PLEKHA7: variants seen among roughly 807,000 people sequenced by gnomAD.
PLEKHA7 encodes the protein pleckstrin homology domain containing A7, also known as pleckstrin homology domain-containing family A member 7.
A neutral mutation model predicts 170.0 loss-of-function variants in PLEKHA7; 104 were observed. The observed-to-expected ratio is 0.61, with a 90% confidence interval of 0.52 to 0.72. The LOEUF (loss-of-function observed/expected upper bound fraction) is 0.72. Ranked by LOEUF, PLEKHA7 falls within the 30% of genes least tolerant of loss-of-function variation. The pLI, the probability that PLEKHA7 is intolerant of heterozygous loss-of-function variation, is 0.00. For missense variants in PLEKHA7, 1,615 were observed against 1,671.7 expected (o/e 0.97, Z 0.59); for synonymous variants, 648 against 660.8 (o/e 0.98, Z 0.30).
At chr11:17,009,690 C>T (rs1362727530) in intron 3 of PLEKHA7, among the ~76,000 whole-genome samples, 3 of 151,984 alleles carry the variant, frequency 2.0e-5, no homozygotes, top group African/African-American at 7.3e-5. Context: ...GGCTGGAGTA[C>T]AGTATCACAA....
intron 3 of PLEKHA7, among the ~76,000 whole-genome samples, chr11:16,904,436 C>A (rs994311995): frequency 1.2e-4 from 18 of 152,124 alleles, no homozygotes; most frequent in African/African-American, 4.1e-4. Flanking sequence ...ATTGTACAGC[C>A]ATTAAACATA....
rs555538014 is a variant in PLEKHA7 at position 16,789,656 on chromosome 11, G to A, written c.3156+119C>T. On this transcript the variant is annotated intron_variant, in intron 22 of 26. Transcript: ENST00000531066. This position sits in a 1 kb window ranked among gnomAD's most constrained non-coding sequence, Gnocchi z 4.6. The stretch of plus-strand genomic sequence containing the variant: ...GGTGACAGGGAGCTCAGGAGGGGCT[G>A]AGGCCACCCCAGAGGCCATCCCCAG... The A allele has an allele frequency of 2.3e-6, 2 of 856,492 alleles. No homozygotes were observed. The highest frequency in any genetic ancestry group is 3.4e-5 in the African/African-American group (2 of 58,986). 53.1% of individuals were successfully genotyped at this position (856,492 alleles called of 1,614,324 possible).
At chr11:17,002,974 C>G (rs957225770) in intron 3 of PLEKHA7, among the ~76,000 whole-genome samples, 2 of 145,048 alleles carry the variant, frequency 1.4e-5, no homozygotes, top group African/African-American at 2.5e-5. Context: ...CCTTTAAGTA[C>G]CAGAATAGTT....
chr11:16,906,272 AAGGAAGG>A (rs773585290), intron 3 of PLEKHA7, among the ~76,000 whole-genome samples: 1,337 of 119,790 alleles, frequency 0.011, 21 homozygotes, highest in South Asian at 0.034. Context: ...GGAAGGAAGG[AAGGAAGG>A]AAAGAAAGAA....
chr11:17,006,008 G>A (rs10734250), intron 3 of PLEKHA7, among the ~76,000 whole-genome samples: 87,915 of 152,036 alleles, frequency 0.58, 25,951 homozygotes, highest in East Asian at 0.81. Context: ...ATTCTTTGTG[G>A]GACTATTACC....
At chr11:16,999,409 C>T (rs768139597) in intron 3 of PLEKHA7, among the ~76,000 whole-genome samples, 3 of 152,046 alleles carry the variant, frequency 2.0e-5, no homozygotes, top group African/African-American at 7.2e-5. Context: ...CCCAGGCAGA[C>T]ATAGGCCTCA....
At chr11:16,933,392 C>G (rs916015330) in intron 3 of PLEKHA7, among the ~76,000 whole-genome samples, 1 of 152,184 alleles carries the variant, frequency 6.6e-6, no homozygotes, top group African/African-American at 2.4e-5. Context: ...TGCAGCAGTA[C>G]AGGCAGGAGA....
intron 3 of PLEKHA7, among the ~76,000 whole-genome samples, chr11:16,896,395 A>T (rs533836854): frequency 6.6e-6 from 1 of 152,320 alleles, no homozygotes; most frequent in East Asian, 1.9e-4. Flanking sequence ...ATCCCGCACA[A>T]TGAAAAGCTG....
chr11:16,922,173 T>TACATTCCTG (rs1554972806), intron 3 of PLEKHA7, among the ~76,000 whole-genome samples: 2 of 151,662 alleles, frequency 1.3e-5, no homozygotes, highest in African/African-American at 4.9e-5. Flanking sequence ...CAGCACAAAA[T>TACATTCCTG]ACATTCTTAT....
At chr11:16,839,474 C>CAT (rs1564991461) in intron 9 of PLEKHA7, among the ~76,000 whole-genome samples, 1 of 149,656 alleles carries the variant, frequency 6.7e-6, no homozygotes, top group African/African-American at 2.4e-5. Flanking sequence ...TAAATATATA[C>CAT]ATATATATAC....
At chr11:16,885,503 A>T (rs115963761) in intron 3 of PLEKHA7, among the ~76,000 whole-genome samples, 2,208 of 151,126 alleles carry the variant, frequency 0.015, 60 homozygotes, top group African/African-American at 0.05. Context: ...TACTAAAAAA[A>T]ATATATATAT....
chr11:16,816,667 A>G (rs1445894466), intron 11 of PLEKHA7, 133 bp downstream of exon 11: 8 of 1,105,502 alleles, frequency 7.2e-6, no homozygotes, highest in Non-Finnish European at 1.0e-5. Context: ...CCTGGCATCT[A>G]TTATTAAAAT....
chr11:17,013,890 G>A, intron 3 of PLEKHA7, 99 bp downstream of exon 3: 5 of 1,310,076 alleles, frequency 3.8e-6, no homozygotes, highest in South Asian at 3.3e-5. Flanking sequence ...AACGAGCCCG[G>A]GCCGGCGGGA....
intron 3 of PLEKHA7, among the ~76,000 whole-genome samples, chr11:16,892,436 TTTG>T: frequency 1.1e-5 from 1 of 90,330 alleles, no homozygotes; most frequent in Middle Eastern, 4.6e-3. Flanking sequence ...GTGTGTGTGT[TTTG>T]TTTTGTTTTG....
rs111462700 is a variant in PLEKHA7 at position 16,816,753 on chromosome 11, C to T, written c.1866+47G>A. On this transcript the variant is annotated intron_variant, in intron 11 of 26. Transcript: ENST00000531066. ...TGTTCAAACCAGGCAAAGCTCCTGG[C>T]GCCCTCATGATGACCCAGCAGCCTG... The T allele has an allele frequency of 1.0e-5, 16 of 1,588,318 alleles. No individual in the cohort carries two copies. The Admixed American group carries it at 1.1e-4, about 11-fold the overall frequency.
chr11:16,837,310 A>G (rs902769322), intron 9 of PLEKHA7, among the ~76,000 whole-genome samples: 2 of 152,328 alleles, frequency 1.3e-5, no homozygotes, highest in South Asian at 2.1e-4. Flanking sequence ...AAAAATACCC[A>G]AATCTCAGCT....
chr11:16,877,396 C>A (rs1855381662), intron 3 of PLEKHA7, among the ~76,000 whole-genome samples: 1 of 152,176 alleles, frequency 6.6e-6, no homozygotes, highest in Non-Finnish European at 1.5e-5. Context: ...CCAATTTGGG[C>A]CCCACAATAA....
At chr11:17,008,976 T>G (rs1298026245) in intron 3 of PLEKHA7, among the ~76,000 whole-genome samples, 1 of 152,226 alleles carries the variant, frequency 6.6e-6, no homozygotes, top group Non-Finnish European at 1.5e-5. Context: ...ATCAGAGACA[T>G]GTACCACCCC....
At chr11:16,949,111 A>C in intron 3 of PLEKHA7, among the ~76,000 whole-genome samples, 1 of 150,488 alleles carries the variant, frequency 6.6e-6, no homozygotes. Context: ...AAGCTGCCCA[A>C]CTCCCACTCT....
Sources: allele counts gnomAD v4.1 joint callset (sites outside exome capture counted in the v4.1 genomes callset), GRCh38; gene constraint gnomAD v4.1.1; non-coding constraint Gnocchi (gnomAD v3.1); transcripts MANE v1.5; gene names NCBI Gene and HGNC (gene_info 2026-07-23, HGNC 2026-07-21).